The following TLK2 variants were observed in gnomAD, a reference collection of about 807,000 sequenced individuals.
TLK2 encodes the protein serine/threonine-protein kinase tousled-like 2.
Under a neutral mutation model 117.3 loss-of-function variants are expected in TLK2, and 6 were observed. The ratio of observed to expected loss-of-function variants is 0.05; its 90% CI spans 0.03 to 0.10. The LOEUF (loss-of-function observed/expected upper bound fraction) is 0.10. Among genes scored for constraint, TLK2 ranks in the 10% least tolerant of loss-of-function variants. The probability of loss-of-function intolerance (pLI) is 1.00; values close to 1 mark genes in which losing one functional copy is unlikely to be tolerated. For synonymous variants in TLK2, 257 were observed against 316.7 expected, an observed-to-expected ratio of 0.81 and a Z score of 2.00; for missense variants, 299 against 901.2, an observed-to-expected ratio of 0.33 and a Z score of 8.56.
Position 62,494,069 on chromosome 17 carries a change from G to T in TLK2, c.81+12863G>T, listed in dbSNP as rs113631645. Among the ~76,000 whole-genome samples, 580 of 152,138 alleles carry T rather than the reference G, an allele frequency of 3.8e-3. 3 individuals carry two copies. The highest frequency in any genetic ancestry group is 0.013 in the African/African-American group (540 of 41,522). On this transcript the variant is annotated intron_variant, in intron 2 of 21. Transcript: ENST00000346027. ...TTTGCTATCCAGATTTGCTGTACTA[G>T]AATTTTACTGTATTCTATTTTGTTT...
chr17:62,545,980 C>T (rs1364467040), intron 7 of TLK2, among the ~76,000 whole-genome samples: 5 of 152,122 alleles, frequency 3.3e-5, no homozygotes. Flanking sequence ...TTCCCAGATT[C>T]AAGCAATTCT....
At chr17:62,608,218 T>A in intron 21 of TLK2, 70 bp downstream of exon 21, 1 of 1,185,284 alleles carries the variant, frequency 8.4e-7, no homozygotes, top group East Asian at 2.4e-5. Context: ...TTTTGGGTAA[T>A]AGTGGATGGA....
intron 2 of TLK2, among the ~76,000 whole-genome samples, chr17:62,493,709 G>A (rs1237432321): frequency 6.6e-6 from 1 of 151,972 alleles, no homozygotes; most frequent in Non-Finnish European, 1.5e-5. Context: ...AGTATTATTG[G>A]CCCAGTAAGT....
chr17:62,599,030 C>G (rs1312615434), intron 17 of TLK2, among the ~76,000 whole-genome samples: 1 of 152,134 alleles, frequency 6.6e-6, no homozygotes, highest in African/African-American at 2.4e-5. Flanking sequence ...ACTGCAACCT[C>G]CACCTCATGG....
At chr17:62,574,483 A>ATTCC in intron 12 of TLK2, 4 of 778,254 alleles carry the variant, frequency 5.1e-6, no homozygotes, top group Non-Finnish European at 8.4e-6. Context: ...TGAACTTGGA[A>ATTCC]AACATCTTCA....
chr17:62,527,764 C>T (rs1412958699), intron 6 of TLK2, among the ~76,000 whole-genome samples: 21 of 150,144 alleles, frequency 1.4e-4, no homozygotes, highest in African/African-American at 3.2e-4. Context: ...TTTTTTGAGA[C>T]GGAGTTTCGC....
At chr17:62,565,956 T>A (rs2079752547) in intron 11 of TLK2, among the ~76,000 whole-genome samples, 2 of 152,178 alleles carry the variant, frequency 1.3e-5, no homozygotes, top group Admixed American at 6.5e-5. Context: ...AGTCACTTCC[T>A]GGAAGGCAGT....
At chr17:62,518,277 C>T (rs1452346790) in intron 2 of TLK2, among the ~76,000 whole-genome samples, 2 of 152,046 alleles carry the variant, frequency 1.3e-5, no homozygotes, top group Non-Finnish European at 2.9e-5. Context: ...AAAATGTTTT[C>T]TATGATTATT....
chr17:62,516,814 GT>G lies in TLK2; in HGVS notation c.82-3957del. The G allele has an allele frequency of 4.5e-6, 5 of 1,111,592 alleles. No homozygotes were observed. In the South Asian group the frequency reaches 6.9e-5, roughly 15 times the overall value. 68.9% of individuals were successfully genotyped at this position (1,111,592 alleles called of 1,614,324 possible). On this transcript the variant is annotated intron_variant, in intron 2 of 21. Transcript: ENST00000346027. ...GGCCGGGGCTGGAAAGCTAGTTTTA[GT>G]TCTTATGTTTAGGTCTTTGATGTGT... is the stretch of plus-strand genomic sequence containing the variant.
upstream of TLK2, among the ~76,000 whole-genome samples, chr17:62,475,690 C>T (rs1404276866): frequency 2.0e-5 from 3 of 151,320 alleles, no homozygotes; most frequent in South Asian, 2.1e-4. Context: ...GACGGAGTCT[C>T]GCTCTGTCAC....
chr17:62,527,001 G>A (rs1438423251), intron 6 of TLK2, among the ~76,000 whole-genome samples: 1 of 152,100 alleles, frequency 6.6e-6, no homozygotes, highest in African/African-American at 2.4e-5. Flanking sequence ...GCTTCCCATC[G>A]TCCACCTGAT....
chr17:62,608,064 G>A lies in TLK2; in HGVS notation c.1995G>A (p.Gln665=). 1 of 1,613,606 alleles carries A rather than the reference G, an allele frequency of 6.2e-7. No individual in the cohort carries two copies. Among genetic ancestry groups the A allele is most frequent in the Non-Finnish European group, 8.5e-7 (1 of 1,179,900 alleles). Residue 665 remains glutamine (Q), a synonymous_variant, in exon 21 of 22, where the codon CAG becomes CAA. Coordinates refer to ENST00000346027, the MANE Select transcript of TLK2 (RefSeq NM_006852.6). ...GRKPFGHNQS[Q]QDILQENTIL... is the part of the protein sequence containing the mutation. ...AGCCTTTTGGCCATAACCAGTCTCAGCAAGACATCCTACAAGAGAATACGA... is the reference window on the plus strand; with the variant it reads ...AGCCTTTTGGCCATAACCAGTCTCAACAAGACATCCTACAAGAGAATACGA...
At chr17:62,583,869 G>C (rs184981085) in intron 15 of TLK2, among the ~76,000 whole-genome samples, 24 of 151,794 alleles carry the variant, frequency 1.6e-4, no homozygotes, top group Non-Finnish European at 2.8e-4. Context: ...GAGCCACCAC[G>C]CTGAGCCCCA....
intron 2 of TLK2, among the ~76,000 whole-genome samples, chr17:62,489,199 G>GTGTT (rs1167452282): frequency 1.4e-5 from 2 of 146,412 alleles, no homozygotes; most frequent in African/African-American, 5.1e-5. Flanking sequence ...GTGTGTGTGT[G>GTGTT]TAAATTTTTT....
rs549335971 is a variant in TLK2, at chr17:62,596,800, A to G, written c.1550+126A>G. The G allele has an allele frequency of 1.4e-4, 104 of 728,526 alleles. 3 individuals carry two copies. In the South Asian group the frequency reaches 2.0e-3, roughly 14 times the overall value. 45.1% of individuals were successfully genotyped at this position (728,526 alleles called of 1,614,324 possible). A position where few individuals can be genotyped will look rare whatever the true frequency, so the allele number is the denominator to read the frequency against. ...GAGGGAACCAAGTAATTTGTGACAAATGATCAAACATAAATTCAGATTTGG... is the reference window on the plus strand; with the variant it reads ...GAGGGAACCAAGTAATTTGTGACAAGTGATCAAACATAAATTCAGATTTGG... On this transcript the variant is annotated intron_variant, in intron 17 of 21. Transcript: ENST00000346027.
At chr17:62,534,805 C>G (rs958345453) in intron 6 of TLK2, among the ~76,000 whole-genome samples, 3 of 148,356 alleles carry the variant, frequency 2.0e-5, no homozygotes, top group Non-Finnish European at 4.4e-5. Flanking sequence ...GGTCTCCAGT[C>G]TTAGCACCAT....
intron 19 of TLK2, 69 bp from the exon 20 acceptor site, chr17:62,606,061 G>T (rs992316393): frequency 4.5e-4 from 173 of 387,852 alleles, no homozygotes; most frequent in African/African-American, 1.6e-3. Context: ...ATTTTATTTT[G>T]TCTTTTTGTA....
At chr17:62,504,786 C>T (rs764064544) in intron 2 of TLK2, among the ~76,000 whole-genome samples, 6 of 152,076 alleles carry the variant, frequency 3.9e-5, no homozygotes, top group African/African-American at 4.8e-5. Context: ...TGAGCCTGGG[C>T]GACAGAGTGA....
At chr17:62,541,509 A>G (rs1205255285) in intron 7 of TLK2, among the ~76,000 whole-genome samples, 2 of 152,250 alleles carry the variant, frequency 1.3e-5, no homozygotes, top group South Asian at 2.1e-4. Context: ...AGATTTCTAA[A>G]TATGTGTTGA....
Sources: allele counts gnomAD v4.1 joint callset (sites outside exome capture counted in the v4.1 genomes callset), GRCh38; gene constraint gnomAD v4.1.1; transcripts MANE v1.5; gene names NCBI Gene and HGNC (gene_info 2026-07-23, HGNC 2026-07-21).